The following MAGEL2 variants were observed in gnomAD, a reference collection of about 807,000 sequenced individuals.
MAGEL2 encodes the protein MAGE-like protein 2.
For missense variants in MAGEL2, 1,830 were observed against 1,699.2 expected, an observed-to-expected ratio of 1.08 and a Z score of -1.35; for synonymous variants, 792 against 721.7, an observed-to-expected ratio of 1.10 and a Z score of -1.56.
chr15:23,643,949 C>T lies in MAGEL2; in HGVS notation c.*44G>A. The T allele has an allele frequency of 6.7e-7, 1 of 1,502,728 alleles. No individual in the cohort carries two copies. Among genetic ancestry groups the T allele is most frequent in the East Asian group, 2.3e-5 (1 of 43,488 alleles). 93.1% of individuals were successfully genotyped at this position (1,502,728 alleles called of 1,614,324 possible). A position where few individuals can be genotyped will look rare whatever the true frequency, so the allele number is the denominator to read the frequency against. On this transcript the variant is annotated 3_prime_UTR_variant, in exon 1 of 1. Transcript: ENST00000650528. ...AAATGTCCCCCCACCCTGTCAGTGG[C>T]CTCTGGCCAGGGAAACACAGGAGCG...
chr15:23,647,391 G>A lies in MAGEL2; in HGVS notation c.352C>T (p.Pro118Ser). ...CCCGGGGTCGGAGGCTGGGCCATCG[G>A]GGCTCCCGGAGGTGGAGGATGCACC... Reference protein sequence around the residue: ...LMVHPPPPGAPMAQPPTPGVL... With the variant: ...LMVHPPPPGASMAQPPTPGVL... Residue 118 changes from proline to serine, a missense_variant, in exon 1 of 1, where the codon CCG becomes TCG. Coordinates refer to ENST00000650528, the MANE Select transcript of MAGEL2 (RefSeq NM_019066.5). 6.5e-7 allele frequency: 1 copy of A among 1,536,798 alleles called. No individual in the cohort carries two copies. The highest frequency in any genetic ancestry group is 8.7e-7 in the Non-Finnish European group (1 of 1,146,824).
In MAGEL2 at chr15:23,645,699, G is replaced by A; in HGVS notation, c.2044C>T (p.Leu682Phe). The A allele has an allele frequency of 6.4e-7, 1 of 1,558,652 alleles. No individual in the cohort carries two copies. The highest frequency in any genetic ancestry group is 1.2e-5 in the South Asian group (1 of 81,050). Residue 682 changes from leucine (L) to phenylalanine (F), a missense_variant, in exon 1 of 1, where the codon CTC (leucine) becomes TTC (phenylalanine). Coordinates refer to ENST00000650528, the MANE Select transcript of MAGEL2 (RefSeq NM_019066.5). ...GGCGGTGCCTGCCAGGAAGGCTGGAGCGGCAGTGTGGGCACCTCCGCTTGC... is the reference window on the plus strand; with the variant it reads ...GGCGGTGCCTGCCAGGAAGGCTGGAACGGCAGTGTGGGCACCTCCGCTTGC... The part of the protein sequence containing the change: ...GPQAEVPTLP[L>F]QPSWQAPPAV...
chr15:23,645,669 C>T lies in MAGEL2; in HGVS notation c.2074G>A (p.Val692Ile), dbSNP rs200926181. 5,012 of 1,567,664 alleles carry T rather than the reference C, an allele frequency of 3.2e-3. 41 individuals carry two copies. The highest frequency in any genetic ancestry group is 0.02 in the South Asian group (1,653 of 82,384). The stretch of plus-strand genomic sequence containing the variant: ...GGGGGTCCGGGCTGGGCCTGCAAGA[C>T]TGCAGGCGGTGCCTGCCAGGAAGGC... ...LQPSWQAPPA[V>I]LQAQPGPPVA... Residue 692 changes from valine (V) to isoleucine (I), a missense_variant, in exon 1 of 1, where the codon GTC becomes ATC. Val to Ile is a conservative substitution (Grantham distance 29). Coordinates refer to ENST00000650528, the MANE Select transcript of MAGEL2 (RefSeq NM_019066.5).
At position 23,645,148 on chromosome 15, in the gene MAGEL2, A is replaced by G. The variant is rs1032324370; in HGVS notation, c.2595T>C (p.Thr865=). 6.2e-7 allele frequency: 1 copy of G among 1,613,726 alleles called. No individual in the cohort carries two copies. Among genetic ancestry groups the G allele is most frequent in the Non-Finnish European group, 8.5e-7 (1 of 1,179,894 alleles). The change falls in exon 1 of 1, where the codon ACT becomes ACC. Residue 865 remains threonine (T), a synonymous_variant. Transcript: ENST00000650528. The stretch of plus-strand genomic sequence containing the variant: ...TCTTGGAGGCCTCTTGAGTGGTGGC[A>G]GTTGCCTGGGGGGCAGCTGCTGTAG... ...LMATAAAPQA[T]ATTQEASKTS...
chr15:23,646,445 G>A lies in MAGEL2; in HGVS notation c.1298C>T (p.Ala433Val). ...IRPGPPPVRQ[A>V]PPLIRQAPPV... ...TGGGGCCTGGCGGATCAGCGGTGGG[G>A]CCTGTCGCACCGGTGGTGGGCCAGG... The change falls in exon 1 of 1, where the codon GCC becomes GTC. Residue 433 changes from alanine (A) to valine (V), a missense_variant. Transcript: ENST00000650528. This position sits in a 1 kb window ranked among gnomAD's most constrained non-coding sequence, Gnocchi z 4.2. 7.0e-7 allele frequency: 1 copy of A among 1,425,450 alleles called. No homozygotes were observed. The highest frequency in any genetic ancestry group is 9.1e-7 in the Non-Finnish European group (1 of 1,098,512). The allele number at this position is 1,425,450 out of a possible 1,614,324, so 88.3% of individuals were successfully genotyped here.
At position 23,646,167 on chromosome 15, in the gene MAGEL2, C is replaced by A; in HGVS notation, c.1576G>T (p.Ala526Ser). ...GGGGCCGGCAGCCTAGCCTGCGGGGCCTGCCGCAGTGGAGGTGGGGGTGGC... is the reference window on the plus strand; with the variant it reads ...GGGGCCGGCAGCCTAGCCTGCGGGGACTGCCGCAGTGGAGGTGGGGGTGGC... ...ALPPPPPLRQ[A>S]PQARLPAPQV... The change falls in exon 1 of 1, where the codon GCC (alanine) becomes TCC (serine). Residue 526 changes from alanine (A) to serine (S), a missense_variant. By Grantham distance (99) the Ala-to-Ser change is moderately conservative (BLOSUM62 1). Transcript: ENST00000650528. This position sits in a 1 kb window ranked among gnomAD's most constrained non-coding sequence, Gnocchi z 4.2. 7.5e-7 allele frequency: 1 copy of A among 1,338,220 alleles called. No individual in the cohort carries two copies. The highest frequency in any genetic ancestry group is 9.5e-7 in the Non-Finnish European group (1 of 1,052,966). 82.9% of individuals were successfully genotyped at this position (1,338,220 alleles called of 1,614,324 possible).
chr15:23,645,735 C>T lies in MAGEL2; in HGVS notation c.2008G>A (p.Ala670Thr). Residue 670 changes from alanine to threonine, a missense_variant, in exon 1 of 1, where the codon GCA (alanine) becomes ACA (threonine). Physicochemically the swap from Ala to Thr is moderately conservative, Grantham distance 58. Coordinates refer to ENST00000650528, the MANE Select transcript of MAGEL2 (RefSeq NM_019066.5). The stretch of plus-strand genomic sequence containing the variant: ...GGCACCTCCGCTTGCGGACCCGATG[C>T]CTGGGCCTGCTGGGGGGGTAGCTGG... ...QIQLPPQQAQ[A>T]SGPQAEVPTL... The T allele has an allele frequency of 6.4e-7, 1 of 1,568,388 alleles. No homozygotes were observed.
chr15:23,645,821 G>C lies in MAGEL2; in HGVS notation c.1922C>G (p.Pro641Arg), dbSNP rs556296973. The C allele has an allele frequency of 4.8e-5, 76 of 1,587,908 alleles. No homozygotes were observed. The highest frequency in any genetic ancestry group is 3.4e-4 in the East Asian group (15 of 43,668). Residue 641 changes from proline (P) to arginine (R), a missense_variant, in exon 1 of 1, where the codon CCC becomes CGC. Transcript: ENST00000650528. ...PAQEAQRQAP[P>R]LVQLEQPFQG... ...AAAGGGCTGCTCCAGCTGGACCAAG[G>C]GGGGAGCCTGCCTCTGGGCCTCCTG...
rs1890388522 is a variant in MAGEL2, at chr15:23,645,846, G to C, written c.1897C>G (p.Gln633Glu). 6.3e-7 allele frequency: 1 copy of C among 1,579,582 alleles called. No individual in the cohort carries two copies. The highest frequency in any genetic ancestry group is 1.3e-5 in the African/African-American group (1 of 74,198). ...PTHIWQPLPA[Q>E]EAQRQAPPLV... ...GGGGGAGCCTGCCTCTGGGCCTCCT[G>C]GGCAGGCAGGGGCTGCCAGATGTGA... is the stretch of plus-strand genomic sequence containing the variant. Residue 633 changes from glutamine to glutamate, a missense_variant, in exon 1 of 1, where the codon CAG becomes GAG. Transcript: ENST00000650528.
chr15:23,643,966 ACAGGAGCGAGATC>A lies in MAGEL2; in HGVS notation c.*14_*26del. Reference sequence around the variant, plus strand: ...GTCAGTGGCCTCTGGCCAGGGAAACACAGGAGCGAGATCTCTGCTACACCTATTAGCGGGGAGG... The same window carrying A: ...GTCAGTGGCCTCTGGCCAGGGAAACATCTGCTACACCTATTAGCGGGGAGG... On this transcript the variant is annotated 3_prime_UTR_variant, in exon 1 of 1. Coordinates refer to ENST00000650528, the MANE Select transcript of MAGEL2 (RefSeq NM_019066.5). 1 of 1,525,162 alleles carries A rather than the reference ACAGGAGCGAGATC, an allele frequency of 6.6e-7. No individual in the cohort carries two copies. Among genetic ancestry groups the A allele is most frequent in the Admixed American group, 2.1e-5 (1 of 47,756 alleles). 94.5% of individuals were successfully genotyped at this position (1,525,162 alleles called of 1,614,324 possible). A position where few individuals can be genotyped will look rare whatever the true frequency, so the allele number is the denominator to read the frequency against.
Position 23,644,268 on chromosome 15 carries a change from C to A in MAGEL2, c.3475G>T (p.Glu1159Ter). The A allele has an allele frequency of 6.2e-7, 1 of 1,613,706 alleles. No individual in the cohort carries two copies. Among genetic ancestry groups the A allele is most frequent in the East Asian group, 2.2e-5 (1 of 44,888 alleles). Residue 1159 changes from glutamate to a stop codon, truncating the protein, a stop_gained, in exon 1 of 1, where the codon GAA becomes TAA. Transcript: ENST00000650528. LOFTEE classifies it low-confidence loss of function (END_TRUNC). ...AGGTACTTCTGCCTGACAAACACTT[C>A]GGTGATGAGCTTCTTAGTATTTCCA... is the stretch of plus-strand genomic sequence containing the variant. ...LFGNTKKLIT[E>*]VFVRQKYLEY...
At position 23,645,260 on chromosome 15, in the gene MAGEL2, A is replaced by G; in HGVS notation, c.2483T>C (p.Val828Ala). ...CCATGGAACTGCAGGCAGGGCCTCT[A>G]CACAGGCAAAGGGATCCTGCAGAGC... ...PYALQDPFAC[V>A]EALPAVPWVP... The change falls in exon 1 of 1, where the codon GTA becomes GCA. Residue 828 changes from valine (V) to alanine (A), a missense_variant. Coordinates refer to ENST00000650528, the MANE Select transcript of MAGEL2 (RefSeq NM_019066.5). 1 of 1,613,934 alleles carries G rather than the reference A, an allele frequency of 6.2e-7. No homozygotes were observed. Among genetic ancestry groups the G allele is most frequent in the African/African-American group, 1.3e-5 (1 of 75,070 alleles).
rs980672847 is a variant in MAGEL2, at chr15:23,646,895, C to G, written c.848G>C (p.Gly283Ala). Residue 283 changes from glycine to alanine, a missense_variant, in exon 1 of 1, where the codon GGT becomes GCT. Gly to Ala is a moderately conservative substitution (Grantham distance 60). Transcript: ENST00000650528. The surrounding 1 kb of genome is among the most constrained non-coding windows in gnomAD (Gnocchi z 4.2). ...PSGAPMAKPP[G>A]PGVLMIHPPG... ...AGGATGAATCATCAGGACTCCTGGA[C>G]CTGGAGGCTTGGCCATCGGTGCTCC... 6.5e-7 allele frequency: 1 copy of G among 1,536,380 alleles called. No individual in the cohort carries two copies. The highest frequency in any genetic ancestry group is 2.4e-5 in the East Asian group (1 of 40,820).
rs984419012 is a variant in MAGEL2 at position 23,643,786 on chromosome 15, A to G, written c.*207T>C. 2 of 485,884 alleles carry G rather than the reference A, an allele frequency of 4.1e-6. No homozygotes were observed. Among genetic ancestry groups the G allele is most frequent in the Admixed American group, 3.8e-5 (1 of 25,990 alleles). The allele number at this position is 485,884 out of a possible 1,614,324, so 30.1% of individuals were successfully genotyped here. On this transcript the variant is annotated 3_prime_UTR_variant, in exon 1 of 1. Transcript: ENST00000650528. ...CCACAGATCTCACTTAAAAACACAGATGCCAAAATACAGAACAGAACAGTA... is the reference window on the plus strand; with the variant it reads ...CCACAGATCTCACTTAAAAACACAGGTGCCAAAATACAGAACAGAACAGTA...
In MAGEL2 at chr15:23,647,295, A is replaced by G. The variant is rs541262134; in HGVS notation, c.448T>C (p.Ser150Pro). 2.4e-4 allele frequency: 358 copies of G among 1,522,674 alleles called. 1 individual carries two copies. The highest frequency in any genetic ancestry group is 3.0e-4 in the Non-Finnish European group (342 of 1,142,518). The allele number at this position is 1,522,674 out of a possible 1,614,324, so 94.3% of individuals were successfully genotyped here. ...GGGGTCCCCGGAGGGGGAGGGTGGG[A>G]CATTGGGGTCCCCGGAGGAGGAGGA... Reference protein sequence around the residue: ...AHPPPPGTPMSHPPPPGTPMA... With the variant: ...AHPPPPGTPMPHPPPPGTPMA... The change falls in exon 1 of 1, where the codon TCC (serine) becomes CCC (proline). Residue 150 changes from serine (S) to proline (P), a missense_variant. Ser to Pro is a moderately conservative substitution (Grantham distance 74, BLOSUM62 -1). Coordinates refer to ENST00000650528, the MANE Select transcript of MAGEL2 (RefSeq NM_019066.5).
chr15:23,646,024 T>C lies in MAGEL2; in HGVS notation c.1719A>G (p.Pro573=), dbSNP rs755896509. The C allele has an allele frequency of 5.8e-6, 9 of 1,545,450 alleles. No individual in the cohort carries two copies. The highest frequency in any genetic ancestry group is 7.9e-6 in the Non-Finnish European group (9 of 1,145,396). ...AGTGCACAGCCTGCGGGGCAGACAGTGGGGCAGACAGCGGGGCCGGCAGCA... is the reference window on the plus strand; with the variant it reads ...AGTGCACAGCCTGCGGGGCAGACAGCGGGGCAGACAGCGGGGCCGGCAGCA... ...QPVLPAPLSA[P]LSAPQAVHCP... is the part of the protein sequence containing the mutation. The change falls in exon 1 of 1, where the codon CCA becomes CCG. Residue 573 remains proline, a synonymous_variant. Transcript: ENST00000650528. The surrounding 1 kb of genome is among the most constrained non-coding windows in gnomAD (Gnocchi z 4.2).
chr15:23,647,216 C>A lies in MAGEL2; in HGVS notation c.527G>T (p.Gly176Val). 6.6e-7 allele frequency: 1 copy of A among 1,521,794 alleles called. No individual in the cohort carries two copies. The highest frequency in any genetic ancestry group is 8.8e-7 in the Non-Finnish European group (1 of 1,138,832). 94.3% of individuals were successfully genotyped at this position (1,521,794 alleles called of 1,614,324 possible). ...AGGAGGAGGATGCACCATCGGGGTC[C>A]CCGGAGGAGGAGGATGGGCCATCGG... ...GTPMAHPPPP[G>V]TPMVHPPPPG... Residue 176 changes from glycine (G) to valine (V), a missense_variant, in exon 1 of 1, where the codon GGG becomes GTG. Coordinates refer to ENST00000650528, the MANE Select transcript of MAGEL2 (RefSeq NM_019066.5).
rs1442479539 is a variant in MAGEL2 at position 23,646,896 on chromosome 15, C to T, written c.847G>A (p.Gly283Ser). Residue 283 changes from glycine to serine, a missense_variant, in exon 1 of 1, where the codon GGT becomes AGT. Coordinates refer to ENST00000650528, the MANE Select transcript of MAGEL2 (RefSeq NM_019066.5). This position sits in a 1 kb window ranked among gnomAD's most constrained non-coding sequence, Gnocchi z 4.2. ...GGATGAATCATCAGGACTCCTGGAC[C>T]TGGAGGCTTGGCCATCGGTGCTCCT... Reference protein sequence around the residue: ...PSGAPMAKPPGPGVLMIHPPG... With the variant: ...PSGAPMAKPPSPGVLMIHPPG... 3.3e-6 allele frequency: 5 copies of T among 1,536,964 alleles called. No individual in the cohort carries two copies. In the Admixed American group the frequency reaches 7.8e-5, roughly 24 times the overall value.
At position 23,645,889 on chromosome 15, in the gene MAGEL2, C is replaced by T; in HGVS notation, c.1854G>A (p.Gln618=). ...EVQQTQALAW[Q]AQKAPTHIWQ... ...AGATGTGAGTGGGGGCCTTCTGGGC[C>T]TGCCAGGCCAGCGCCTGTGTCTGCT... is the stretch of plus-strand genomic sequence containing the variant. The change falls in exon 1 of 1, where the codon CAG becomes CAA. Residue 618 remains glutamine, a synonymous_variant. Transcript: ENST00000650528. 6.3e-7 allele frequency: 1 copy of T among 1,575,296 alleles called. No individual in the cohort carries two copies.
Sources: allele counts gnomAD v4.1 joint callset, GRCh38; gene constraint gnomAD v4.1.1; non-coding constraint Gnocchi (gnomAD v3.1); transcripts MANE v1.5; gene names NCBI Gene and HGNC (gene_info 2026-07-23, HGNC 2026-07-21).